Variants in PLAGL1 observed in about 807,000 individuals in gnomAD.
The protein encoded by PLAGL1 is PLAG1 like zinc finger 1.
In PLAGL1, 1 loss-of-function variant was observed where a neutral mutation model predicts 4.6. The ratio of observed to expected loss-of-function variants is 0.22; its 90% CI spans 0.08 to 1.03. The LOEUF (loss-of-function observed/expected upper bound fraction) is 1.03. PLAGL1 is among the 50% of genes least tolerant of loss of function. The pLI is 0.58. For synonymous variants in PLAGL1, 240 were observed against 237.8 expected (o/e 1.01, Z -0.08); for missense variants, 464 against 570.4 (o/e 0.81, Z 1.90).
At chr6:143,943,872 T>G (rs1779179612) in intron 7 of PLAGL1, among the ~76,000 whole-genome samples, 2 of 152,248 alleles carry the variant, frequency 1.3e-5, no homozygotes, top group African/African-American at 4.8e-5. Flanking sequence ...ATAGTTCCAC[T>G]GAATTGCTAA....
intron 1 of PLAGL1, among the ~76,000 whole-genome samples, chr6:144,023,460 T>C (rs765747645): frequency 3.9e-5 from 6 of 152,046 alleles, no homozygotes; most frequent in Non-Finnish European, 5.9e-5. Flanking sequence ...ATAAACTCAT[T>C]GAAGGGGGGC....
rs1230598798 is a variant in PLAGL1 at position 143,964,626 on chromosome 6, C to T, written c.-399+161G>A. ...AGCCAATCTAGTTTTCAAAAAAGGC[C>T]ACCGCTTCGTTAGAGAGAGGACCAT... On this transcript the variant is annotated intron_variant, in intron 5 of 7. Transcript: ENST00000674357. The surrounding 1 kb of genome is among the most constrained non-coding windows in gnomAD (Gnocchi z 4.3). Among the ~76,000 whole-genome samples, 4 of 150,932 alleles carry T rather than the reference C, an allele frequency of 2.7e-5. No individual in the cohort carries two copies. The highest frequency in any genetic ancestry group is 4.4e-5 in the Non-Finnish European group (3 of 67,816).
In PLAGL1 at chr6:143,941,672, G is replaced by C. The variant is rs758526896; in HGVS notation, c.1144C>G (p.Pro382Ala). The C allele has an allele frequency of 6.2e-7, 1 of 1,614,240 alleles. No homozygotes were observed. The change falls in exon 8 of 8, where the codon CCC (proline) becomes GCC (alanine). Residue 382 changes from proline (P) to alanine (A), a missense_variant. Coordinates refer to ENST00000674357, the MANE Select transcript of PLAGL1 (RefSeq NM_001317162.2). The surrounding 1 kb of genome is among the most constrained non-coding windows in gnomAD (Gnocchi z 6.0). ...GGCAGCTGCCAGAAGCCCAACAGGG[G>C]GGACAGGTCCAGAGAGGCAGGTATT... The part of the protein sequence containing the change: ...LTIPASLDLS[P>A]LLGFWQLPPP...
rs1446882758 is a variant in PLAGL1 at position 144,063,777 on chromosome 6, G to A, written c.-151+691C>T. 1.3e-5 allele frequency among the ~76,000 whole-genome samples: 2 copies of A among 152,204 alleles called. No homozygotes were observed. The highest frequency in any genetic ancestry group is 2.9e-5 in the Non-Finnish European group (2 of 68,026). ...CCAACACGGCTGTGCACCCGCCAAA[G>A]TGCCCACGCCCACCGTGGCGGGGCG... On this transcript the variant is annotated intron_variant, in intron 1 of 3. Transcript: ENST00000437412. The surrounding 1 kb of genome is among the most constrained non-coding windows in gnomAD (Gnocchi z 5.7).
rs1300411531 is a variant in PLAGL1, at chr6:143,973,254, T to C, written c.-543-4276A>G. Among the ~76,000 whole-genome samples, 3 of 152,172 alleles carry C rather than the reference T, an allele frequency of 2.0e-5. No individual in the cohort carries two copies. In the East Asian group the frequency reaches 5.8e-4, roughly 29 times the overall value. ...AACAAAGAGATCAAAGGCCCACCTC[T>C]CTTTCCCTCCATTGCTTTCATTAGG... On this transcript the variant is annotated intron_variant, in intron 2 of 7. Coordinates refer to ENST00000674357, the MANE Select transcript of PLAGL1 (RefSeq NM_001317162.2). This position sits in a 1 kb window ranked among gnomAD's most constrained non-coding sequence, Gnocchi z 6.2.
At chr6:143,956,996 A>G (rs1782288783) in intron 6 of PLAGL1, among the ~76,000 whole-genome samples, 1 of 152,256 alleles carries the variant, frequency 6.6e-6, no homozygotes, top group Admixed American at 6.5e-5. Flanking sequence ...CAGGATCCCC[A>G]CGAAAGGGCC....
chr6:143,947,913 G>T lies in PLAGL1; in HGVS notation c.152+72C>A. ...TCCTGTGTCCCTTTCCCCTTGCATC[G>T]TGTGGTCTGAGGGCTAGAAAAGCCA... is the stretch of plus-strand genomic sequence containing the variant. On this transcript the variant is annotated intron_variant, in intron 7 of 7. Transcript: ENST00000674357. The surrounding 1 kb of genome is among the most constrained non-coding windows in gnomAD (Gnocchi z 4.3). 1.6e-6 allele frequency: 2 copies of T among 1,267,810 alleles called. No individual in the cohort carries two copies. The highest frequency in any genetic ancestry group is 1.3e-5 in the South Asian group (1 of 77,010). 78.5% of individuals were successfully genotyped at this position (1,267,810 alleles called of 1,614,324 possible).
rs1269562257 is a variant in PLAGL1 at position 143,973,308 on chromosome 6, C to T, written c.-543-4330G>A. ...AGCCCAGACAAACAGCGACAGGTTTCCTTGAGACAAGGAGAGGGCTCAGCA... is the reference window on the plus strand; with the variant it reads ...AGCCCAGACAAACAGCGACAGGTTTTCTTGAGACAAGGAGAGGGCTCAGCA... On this transcript the variant is annotated intron_variant, in intron 2 of 7. Transcript: ENST00000674357. The surrounding 1 kb of genome is among the most constrained non-coding windows in gnomAD (Gnocchi z 6.2). Among the ~76,000 whole-genome samples the T allele has an allele frequency of 6.6e-6, 1 of 152,192 alleles. No individual in the cohort carries two copies. Among genetic ancestry groups the T allele is most frequent in the Non-Finnish European group, 1.5e-5 (1 of 68,038 alleles).
At chr6:144,010,133 C>G (rs1239210961), upstream of PLAGL1, among the ~76,000 whole-genome samples, 1 of 152,146 alleles carries the variant, frequency 6.6e-6, no homozygotes, top group African/African-American at 2.4e-5. This position sits in a 1 kb window ranked among gnomAD's most constrained non-coding sequence, Gnocchi z 4.1. Flanking sequence ...ACACTCCCAC[C>G]AACAGCGTAA....
rs1191012962 is a variant in PLAGL1, at chr6:143,961,197, C to T, written c.-398-655G>A. Reference sequence around the variant, plus strand: ...TTTACCAAATCTACAGAAGCCAAGTCTACAGCCAGCTTTGTGCCACTGAAC... The same window carrying T: ...TTTACCAAATCTACAGAAGCCAAGTTTACAGCCAGCTTTGTGCCACTGAAC... On this transcript the variant is annotated intron_variant, in intron 5 of 7. Transcript: ENST00000674357. This position sits in a 1 kb window ranked among gnomAD's most constrained non-coding sequence, Gnocchi z 6.5. The T allele has an allele frequency of 7.2e-5, 11 of 152,220 alleles. No homozygotes were observed. In the East Asian group the frequency reaches 1.7e-3, roughly 24 times the overall value. 9.4% of individuals were successfully genotyped at this position (152,220 alleles called of 1,614,324 possible). A position where few individuals can be genotyped will look rare whatever the true frequency, so the allele number is the denominator to read the frequency against.
At chr6:143,977,439 C>CTT (rs958256573) in intron 2 of PLAGL1, among the ~76,000 whole-genome samples, 3 of 110,672 alleles carry the variant, frequency 2.7e-5, no homozygotes, top group African/African-American at 1.0e-4. Flanking sequence ...TAGCTCACTT[C>CTT]TTTTTTTTTT....
intron 1 of PLAGL1, among the ~76,000 whole-genome samples, chr6:143,991,591 C>A (rs1185967645): frequency 1.3e-5 from 2 of 152,204 alleles, no homozygotes; most frequent in Non-Finnish European, 2.9e-5. Context: ...TGGAGCTCTG[C>A]CTTAGGATCC....
At chr6:144,043,427 G>A (rs1005891740) in intron 1 of PLAGL1, among the ~76,000 whole-genome samples, 13 of 152,180 alleles carry the variant, frequency 8.5e-5, no homozygotes, top group Non-Finnish European at 1.8e-4. Context: ...CATCTATTGA[G>A]ATAATCACAT....
rs1390364054 is a variant in PLAGL1, at chr6:144,061,591, G to A, written c.-151+2877C>T. On this transcript the variant is annotated intron_variant, in intron 1 of 3. Transcript: ENST00000437412. This position sits in a 1 kb window ranked among gnomAD's most constrained non-coding sequence, Gnocchi z 4.4. ...AGTTATTCAAACTTGTTTAGCCCAT[G>A]TTTAACTTCCACATTATACTGCCTC... is the stretch of plus-strand genomic sequence containing the variant. 1.3e-5 allele frequency among the ~76,000 whole-genome samples: 2 copies of A among 152,164 alleles called. No homozygotes were observed. The highest frequency in any genetic ancestry group is 2.4e-5 in the African/African-American group (1 of 41,436).
intron 1 of PLAGL1, among the ~76,000 whole-genome samples, chr6:144,051,678 A>AT (rs1562613869): frequency 2.6e-5 from 4 of 152,354 alleles, no homozygotes; most frequent in Admixed American, 2.6e-4. Flanking sequence ...ACAGTTCCAC[A>AT]TTGCTGGAGA....
intron 1 of PLAGL1, among the ~76,000 whole-genome samples, chr6:143,993,331 AACACACAC>A (rs746624620): frequency 7.0e-4 from 100 of 142,332 alleles, no homozygotes; most frequent in African/African-American, 1.4e-3. Context: ...AACAAAACAA[AACACACAC>A]ACACACACAC....
intron 2 of PLAGL1, among the ~76,000 whole-genome samples, chr6:143,976,285 CTT>C (rs58569870): frequency 1.2e-4 from 14 of 113,216 alleles, no homozygotes; most frequent in Admixed American, 3.0e-4. Flanking sequence ...GATTTCTTTT[CTT>C]TTTTTTTTTT....
intron 1 of PLAGL1, among the ~76,000 whole-genome samples, chr6:144,060,339 G>A (rs891864846): frequency 5.3e-5 from 8 of 152,166 alleles, no homozygotes. Flanking sequence ...ATGAGCCACT[G>A]GGCCAGCCTG....
rs1795500839 is a variant in PLAGL1 at position 144,015,409 on chromosome 6, C to A, written c.-150-46431G>T. Among the ~76,000 whole-genome samples the A allele has an allele frequency of 6.6e-6, 1 of 151,972 alleles. No homozygotes were observed. The highest frequency in any genetic ancestry group is 6.6e-5 in the Admixed American group (1 of 15,232). ...CTGGACAGGACACAAGAAGCAATGACCCTAAAAGAATAAACTGGCAATTGG... is the reference window on the plus strand; with the variant it reads ...CTGGACAGGACACAAGAAGCAATGAACCTAAAAGAATAAACTGGCAATTGG... On this transcript the variant is annotated intron_variant, in intron 1 of 3. Coordinates refer to the PLAGL1 transcript ENST00000437412. This position sits in a 1 kb window ranked among gnomAD's most constrained non-coding sequence, Gnocchi z 4.3.
Sources: allele counts gnomAD v4.1 joint callset (sites outside exome capture counted in the v4.1 genomes callset), GRCh38; gene constraint gnomAD v4.1.1; non-coding constraint Gnocchi (gnomAD v3.1); transcripts MANE v1.5; gene names NCBI Gene and HGNC (gene_info 2026-07-23, HGNC 2026-07-21).